The following RFX3 variants were observed in gnomAD, a reference collection of about 807,000 sequenced individuals.
RFX3 encodes transcription factor RFX3.
Under a neutral mutation model 98.6 loss-of-function variants are expected in RFX3, and 14 were observed. The observed-to-expected ratio is 0.14, with a 90% CI of 0.09 to 0.22. RFX3 has a LOEUF of 0.22. Among genes scored for constraint, RFX3 ranks in the 10% least tolerant of loss-of-function variants. The probability of loss-of-function intolerance (pLI) is 1.00; values close to 1 mark genes in which losing one functional copy is unlikely to be tolerated. For synonymous variants in RFX3, 383 were observed against 328.4 expected (o/e 1.17, Z -1.80); for missense variants, 639 against 926.9 (o/e 0.69, Z 4.03).
chr9:3,319,919 A>T (rs1831066193), intron 4 of RFX3, among the ~76,000 whole-genome samples: 1 of 152,174 alleles, frequency 6.6e-6, no homozygotes, highest in Admixed American at 6.5e-5. Flanking sequence ...TTTCATTCCA[A>T]AATGTTGAAC....
chr9:3,327,889 C>CA (rs34884461), intron 4 of RFX3, among the ~76,000 whole-genome samples: 19,498 of 134,706 alleles, frequency 0.14, 1,310 homozygotes, highest in African/African-American at 0.24. Flanking sequence ...TATACCTTAT[C>CA]AAAAAAAAAA....
chr9:3,411,661 T>G (rs1381810526), intron 1 of RFX3, among the ~76,000 whole-genome samples: 1 of 151,560 alleles, frequency 6.6e-6, no homozygotes, highest in African/African-American at 2.4e-5. Context: ...TGTGTGTGTT[T>G]TTTTTTTTTA....
chr9:3,326,415 G>A (rs1181836154), intron 4 of RFX3, among the ~76,000 whole-genome samples: 1 of 152,048 alleles, frequency 6.6e-6, no homozygotes, highest in African/African-American at 2.4e-5. Context: ...GGGATTTATT[G>A]TACCAATTAT....
chr9:3,302,438 A>C (rs941323384), intron 4 of RFX3, among the ~76,000 whole-genome samples: 1 of 151,832 alleles, frequency 6.6e-6, no homozygotes, highest in Non-Finnish European at 1.5e-5. Flanking sequence ...TCTATCTTTC[A>C]ACTCCTGGTA....
rs1202303842 is a variant in RFX3 at position 3,270,845 on chromosome 9, G to C, written c.1202+158C>G. On this transcript the variant is annotated intron_variant, in intron 10 of 16. Transcript: ENST00000617270. The stretch of plus-strand genomic sequence containing the variant: ...CTATATACACACACTGAAACCTCAA[G>C]AGAGCAGTTCATGGTTTATTTCTAG... 5 of 1,000,908 alleles carry C rather than the reference G, an allele frequency of 5.0e-6. No individual in the cohort carries two copies. The Admixed American group carries it at 1.1e-4, about 23-fold the overall frequency. The allele number at this position is 1,000,908 out of a possible 1,614,324, so 62.0% of individuals were successfully genotyped here. A position where few individuals can be genotyped will look rare whatever the true frequency, so the allele number is the denominator to read the frequency against.
intron 1 of RFX3, among the ~76,000 whole-genome samples, chr9:3,463,788 T>C (rs1018322326): frequency 1.3e-5 from 2 of 151,822 alleles, no homozygotes; most frequent in Middle Eastern, 3.4e-3. Context: ...CTGGGCGACA[T>C]AGGGAGACCC....
At chr9:3,469,126 C>T (rs572748596) in intron 1 of RFX3, 4 of 450,056 alleles carry the variant, frequency 8.9e-6, no homozygotes, top group South Asian at 6.3e-5. Context: ...TACAGATGAT[C>T]AAGGGATAAA....
At chr9:3,503,303 T>A (rs761910899) in intron 1 of RFX3, among the ~76,000 whole-genome samples, 1 of 152,178 alleles carries the variant, frequency 6.6e-6, no homozygotes, top group East Asian at 1.9e-4. Flanking sequence ...TATAATTGTA[T>A]AAGTTCAAAG....
chr9:3,341,791 G>T (rs1318699519), intron 3 of RFX3, among the ~76,000 whole-genome samples: 1 of 152,110 alleles, frequency 6.6e-6, no homozygotes, highest in Non-Finnish European at 1.5e-5. Flanking sequence ...AATCTAAATG[G>T]CAAGTGGATT....
intron 1 of RFX3, among the ~76,000 whole-genome samples, chr9:3,441,814 C>G (rs1357050571): frequency 6.6e-6 from 1 of 152,092 alleles, no homozygotes; most frequent in Non-Finnish European, 1.5e-5. Context: ...ATAAAACCCT[C>G]TATAAAACTC....
At chr9:3,411,648 G>T (rs951209935) in intron 1 of RFX3, among the ~76,000 whole-genome samples, 3 of 150,412 alleles carry the variant, frequency 2.0e-5, no homozygotes, top group Admixed American at 2.0e-4. Flanking sequence ...GCTAATTTTT[G>T]TGTGTGTGTG....
intron 6 of RFX3, among the ~76,000 whole-genome samples, chr9:3,291,812 C>T (rs1355135165): frequency 6.6e-6 from 1 of 151,808 alleles, no homozygotes; most frequent in Non-Finnish European, 1.5e-5. Context: ...ATTAAAAACT[C>T]TTCACTTTGG....
At chr9:3,506,747 T>C (rs1275853203) in intron 1 of RFX3, among the ~76,000 whole-genome samples, 1 of 151,726 alleles carries the variant, frequency 6.6e-6, no homozygotes, top group Non-Finnish European at 1.5e-5. Context: ...AGAATGTCAT[T>C]TGAAAAGGTA....
At chr9:3,271,500 C>T (rs1032032116) in intron 9 of RFX3, among the ~76,000 whole-genome samples, 1 of 139,734 alleles carries the variant, frequency 7.2e-6, no homozygotes, top group Non-Finnish European at 1.5e-5. Flanking sequence ...CCTTCCCCTT[C>T]CTTCCTTCCT....
intron 1 of RFX3, among the ~76,000 whole-genome samples, chr9:3,462,298 A>T (rs1487908152): frequency 6.6e-6 from 1 of 152,076 alleles, no homozygotes; most frequent in African/African-American, 2.4e-5. Context: ...AGGATATTTC[A>T]CCAGATTAAC....
At chr9:3,397,994 G>T (rs1314031542) in intron 1 of RFX3, among the ~76,000 whole-genome samples, 1 of 152,150 alleles carries the variant, frequency 6.6e-6, no homozygotes, top group Non-Finnish European at 1.5e-5. Context: ...TCCTAGATGG[G>T]TTAGCTAATG....
At chr9:3,327,584 T>A (rs1272158579) in intron 4 of RFX3, among the ~76,000 whole-genome samples, 1 of 151,896 alleles carries the variant, frequency 6.6e-6, no homozygotes, top group Non-Finnish European at 1.5e-5. Context: ...ACTCCTTTTG[T>A]TAAAAAGGAA....
intron 1 of RFX3, among the ~76,000 whole-genome samples, chr9:3,504,881 ATAT>A (rs1390100943): frequency 1.4e-5 from 1 of 73,130 alleles, no homozygotes; most frequent in Non-Finnish European, 2.1e-5. Flanking sequence ...TATATATATT[ATAT>A]ATAATATAAC....
intron 3 of RFX3, among the ~76,000 whole-genome samples, chr9:3,338,817 C>T (rs752818445): frequency 6.6e-5 from 10 of 152,136 alleles, no homozygotes; most frequent in Non-Finnish European, 1.0e-4. Flanking sequence ...AGGCCAGGCA[C>T]GGTGGCTCAC....
Sources: allele counts gnomAD v4.1 joint callset (sites outside exome capture counted in the v4.1 genomes callset), GRCh38; gene constraint gnomAD v4.1.1; transcripts MANE v1.5; gene names NCBI Gene and HGNC (gene_info 2026-07-23, HGNC 2026-07-21).